Variants in SYT16 observed in about 807,000 individuals in gnomAD.
SYT16 encodes synaptotagmin 16.
SYT16 carries 42 observed loss-of-function variants against 61.4 expected under a neutral mutation model. That is an observed-to-expected ratio of 0.68 (90% confidence interval 0.53 to 0.89). The LOEUF (loss-of-function observed/expected upper bound fraction) is 0.89, where lower values mean the gene tolerates loss of function less well. Among genes scored for constraint, SYT16 ranks in the 40% least tolerant of loss-of-function variants. The pLI, the probability that SYT16 is intolerant of heterozygous loss-of-function variation, is 0.00. For missense variants in SYT16, 804 were observed against 807.3 expected (o/e 1.00, Z 0.05); for synonymous variants, 314 against 302.3 (o/e 1.04, Z -0.40).
intron 4 of SYT16, 85 bp from the exon 5 acceptor site, chr14:62,075,047 ATTG>A: frequency 7.1e-7 from 1 of 1,418,158 alleles, no homozygotes; most frequent in Non-Finnish European, 9.5e-7. Context: ...TGCAATCTTG[ATTG>A]TTGTGACTGC....
At chr14:61,977,974 C>T (rs561391495) in intron 2 of SYT16, among the ~76,000 whole-genome samples, 13 of 152,250 alleles carry the variant, frequency 8.5e-5, no homozygotes, top group African/African-American at 2.9e-4. Context: ...CTCCTTGCTC[C>T]TGGTGGCTGG....
intron 4 of SYT16, among the ~76,000 whole-genome samples, chr14:62,070,685 A>G (rs1192598992): frequency 6.6e-6 from 1 of 152,200 alleles, no homozygotes; most frequent in African/African-American, 2.4e-5. Flanking sequence ...AGCCCTGAAT[A>G]GACAAAGCCA....
intron 1 of SYT16, among the ~76,000 whole-genome samples, chr14:61,910,613 C>G (rs2048897602): frequency 2.0e-5 from 3 of 151,754 alleles, no homozygotes; most frequent in African/African-American, 7.3e-5. Flanking sequence ...TCACTGCAAC[C>G]TCTGCCTCCC....
intron 1 of SYT16, among the ~76,000 whole-genome samples, chr14:61,832,872 G>C (rs902558219): frequency 1.3e-5 from 2 of 152,140 alleles, no homozygotes; most frequent in Non-Finnish European, 2.9e-5. Flanking sequence ...CTTTGCCAGA[G>C]TATCTTATTC....
intron 1 of SYT16, among the ~76,000 whole-genome samples, chr14:61,851,611 C>T (rs2046623253): frequency 6.6e-6 from 1 of 152,152 alleles, no homozygotes; most frequent in Admixed American, 6.6e-5. Context: ...TTCTGACTGG[C>T]ACGAGGTGAT....
intron 1 of SYT16, among the ~76,000 whole-genome samples, chr14:61,941,055 C>A (rs965111179): frequency 6.6e-6 from 1 of 152,140 alleles, no homozygotes; most frequent in African/African-American, 2.4e-5. Context: ...AAAGTTTGGA[C>A]GGGCATGTTA....
intron 1 of SYT16, among the ~76,000 whole-genome samples, chr14:61,852,339 A>C (rs1364378224): frequency 3.9e-5 from 6 of 152,144 alleles, no homozygotes; most frequent in Non-Finnish European, 7.4e-5. Flanking sequence ...GGATAGTTTG[A>C]AGTTGAGTAG....
At chr14:61,994,148 A>G (rs1306546561) in intron 2 of SYT16, among the ~76,000 whole-genome samples, 1 of 152,184 alleles carries the variant, frequency 6.6e-6, no homozygotes, top group African/African-American at 2.4e-5. Context: ...ACCAAAAGCT[A>G]ACGGAGTTTG....
intron 1 of SYT16, among the ~76,000 whole-genome samples, chr14:61,896,773 A>T (rs969035818): frequency 6.6e-6 from 1 of 152,184 alleles, no homozygotes; most frequent in African/African-American, 2.4e-5. Flanking sequence ...ATTTTGCTTT[A>T]TGCACTTTAG....
In SYT16 at chr14:61,873,893, A is replaced by G. The variant is rs147501015; in HGVS notation, c.-325+61083A>G. On this transcript the variant is annotated intron_variant, in intron 1 of 7. Transcript: ENST00000683842. ...AAAACGGGATGGTGGGCCTTTTAAA[A>G]TTTTCGTATGTATTGTGAAATGTTG... Among the ~76,000 whole-genome samples, 258 of 152,298 alleles carry G rather than the reference A, an allele frequency of 1.7e-3. 1 individual carries two copies. Among genetic ancestry groups the G allele is most frequent in the African/African-American group, 6.0e-3 (250 of 41,562 alleles).
intron 3 of SYT16, among the ~76,000 whole-genome samples, chr14:62,000,098 G>GGTTTTTTTTTTTTTTTTTT (rs1566751979): frequency 8.4e-5 from 3 of 35,520 alleles, no homozygotes; most frequent in African/African-American, 3.7e-4. Context: ...TTTGTCTCTC[G>GGTTTTTTTTTTTTTTTTTT]ATTTTTTTTT....
At position 62,103,412 on chromosome 14, in the gene SYT16, T is replaced by G. The variant is rs1371384051; in HGVS notation, c.*2705T>G. On this transcript the variant is annotated 3_prime_UTR_variant, in exon 8 of 8. Transcript: ENST00000683842. ...GAGTAGGTCTTTCAGCGATTTTGCC[T>G]GAAGAGCATGCTTTTAAAATAATAT... is the stretch of plus-strand genomic sequence containing the variant. The G allele has an allele frequency of 6.6e-6, 1 of 152,246 alleles. No homozygotes were observed. Among genetic ancestry groups the G allele is most frequent in the Non-Finnish European group, 1.5e-5 (1 of 68,044 alleles). The allele number at this position is 152,246 out of a possible 1,614,324, so 9.4% of individuals were successfully genotyped here.
chr14:62,072,278 A>G (rs777115737), intron 4 of SYT16, among the ~76,000 whole-genome samples: 1 of 152,164 alleles, frequency 6.6e-6, no homozygotes, highest in Non-Finnish European at 1.5e-5. Context: ...TTTGTTTGAG[A>G]TGGTATATCT....
At chr14:62,002,344 T>A (rs980093516) in intron 3 of SYT16, among the ~76,000 whole-genome samples, 1 of 152,118 alleles carries the variant, frequency 6.6e-6, no homozygotes, top group African/African-American at 2.4e-5. Flanking sequence ...GTGTTTAGGG[T>A]AGGGGCTTGT....
chr14:61,876,238 AAGAGTACCG>A (rs1356047239), intron 1 of SYT16, among the ~76,000 whole-genome samples: 4 of 152,264 alleles, frequency 2.6e-5, no homozygotes, highest in African/African-American at 9.6e-5. Context: ...ATATAAAATC[AAGAGTACCG>A]ATACTTGTTT....
chr14:61,977,999 A>C lies in SYT16; in HGVS notation c.-145+7688A>C, dbSNP rs183664675. On this transcript the variant is annotated intron_variant, in intron 2 of 7. Transcript: ENST00000683842. ...CTGGTGGCTGGCAGTCATCCTTGGC[A>C]TTCTTTGTCTTGTGGCTGTATCATT... Among the ~76,000 whole-genome samples, 14 of 152,112 alleles carry C rather than the reference A, an allele frequency of 9.2e-5. No homozygotes were observed. The East Asian group carries it at 2.3e-3, about 25-fold the overall frequency.
chr14:61,937,030 C>G (rs1328289708), intron 1 of SYT16, among the ~76,000 whole-genome samples: 1 of 152,214 alleles, frequency 6.6e-6, no homozygotes, highest in Non-Finnish European at 1.5e-5. Context: ...TTACAGACAG[C>G]AAAAGCCAGC....
chr14:62,029,733 G>T lies in SYT16; in HGVS notation c.523+33191G>T, dbSNP rs930802287. Among the ~76,000 whole-genome samples, 4 of 151,942 alleles carry T rather than the reference G, an allele frequency of 2.6e-5. 1 individual carries two copies. The South Asian group carries it at 6.2e-4, about 24-fold the overall frequency. Reference sequence around the variant, plus strand: ...GGCTATCAATAGAATCCAGTCAATAGTTCTGTCGCTCACCCTCTGACCTCG... The same window carrying T: ...GGCTATCAATAGAATCCAGTCAATATTTCTGTCGCTCACCCTCTGACCTCG... On this transcript the variant is annotated intron_variant, in intron 3 of 7. Transcript: ENST00000683842.
intron 7 of SYT16, among the ~76,000 whole-genome samples, chr14:62,097,816 T>C (rs2057316133): frequency 6.6e-6 from 1 of 152,218 alleles, no homozygotes; most frequent in Non-Finnish European, 1.5e-5. Context: ...GAGCATGCTT[T>C]TGTTTGCAAG....
Sources: allele counts gnomAD v4.1 joint callset (sites outside exome capture counted in the v4.1 genomes callset), GRCh38; gene constraint gnomAD v4.1.1; transcripts MANE v1.5; gene names NCBI Gene and HGNC (gene_info 2026-07-23, HGNC 2026-07-21).